The following ARHGAP21 variants were observed in gnomAD, a reference collection of about 807,000 sequenced individuals.
ARHGAP21 encodes the protein rho GTPase-activating protein 21.
ARHGAP21 carries 38 observed loss-of-function variants against 164.6 expected under a neutral mutation model. The ratio of observed to expected loss-of-function variants is 0.23; its 90% CI spans 0.18 to 0.30. The LOEUF (loss-of-function observed/expected upper bound fraction) is 0.30. Among genes scored for constraint, ARHGAP21 ranks in the 10% least tolerant of loss-of-function variants. The probability of loss-of-function intolerance (pLI) is 1.00; values close to 1 mark genes in which losing one functional copy is unlikely to be tolerated. For missense variants in ARHGAP21, 1,822 were observed against 2,370.7 expected, an observed-to-expected ratio of 0.77 and a Z score of 4.81; for synonymous variants, 766 against 857.9, an observed-to-expected ratio of 0.89 and a Z score of 1.87.
At chr10:24,648,532 C>T (rs142036499) in intron 4 of ARHGAP21, among the ~76,000 whole-genome samples, 1 of 152,158 alleles carries the variant, frequency 6.6e-6, no homozygotes, top group African/African-American at 2.4e-5. Flanking sequence ...ATAATCCCAG[C>T]ACTTTGGGAG....
Position 24,619,760 on chromosome 10 carries a change from C to A in ARHGAP21, c.2135G>T (p.Arg712Met), listed in dbSNP as rs1834358824. ...TSDLELPVSQ[R>M]NQDLSLQEAE... ...CTCTTGTAAACTTAAATCTTGATTC[C>A]TTTGACTGACAGGTAGTTCTAAATC... The change falls in exon 9 of 26, where the codon AGG becomes ATG. Residue 712 changes from arginine (R) to methionine (M), a missense_variant. This residue lies in a region of ARHGAP21 where 1,090 missense variants were observed against 1,378.9 expected (regional missense o/e 0.79). Transcript: ENST00000396432. 1.2e-6 allele frequency: 2 copies of A among 1,614,082 alleles called. No individual in the cohort carries two copies. The highest frequency in any genetic ancestry group is 1.7e-6 in the Non-Finnish European group (2 of 1,180,032).
intron 2 of ARHGAP21, among the ~76,000 whole-genome samples, chr10:24,717,471 A>C (rs1161795578): frequency 1.3e-5 from 2 of 152,152 alleles, no homozygotes; most frequent in Admixed American, 1.3e-4. Context: ...CACTAGGGGC[A>C]ACTGAAAGAG....
rs750284071 is a variant in ARHGAP21 at position 24,595,810 on chromosome 10, T to G, written c.3634-15A>C. ...TCTCGCCATTTCTAGGTGTACAAAA[T>G]AGAAATATAGTATTTTCATATCCAG... On this transcript the variant is annotated splice_polypyrimidine_tract_variant and intron_variant, in intron 18 of 25. Transcript: ENST00000396432. 4.3e-6 allele frequency: 7 copies of G among 1,612,042 alleles called. No individual in the cohort carries two copies. Among genetic ancestry groups the G allele is most frequent in the Admixed American group, 1.7e-5 (1 of 59,740 alleles).
rs1273008353 is a variant in ARHGAP21, at chr10:24,723,687, CGCCGCCGCCGCCGCGCTCCGAG to C, written c.-528_-507del. The C allele has an allele frequency of 1.3e-5, 2 of 149,128 alleles. No individual in the cohort carries two copies. Among genetic ancestry groups the C allele is most frequent in the South Asian group, 3.6e-4 (2 of 5,598 alleles). 9.2% of individuals were successfully genotyped at this position (149,128 alleles called of 1,614,324 possible). A position where few individuals can be genotyped will look rare whatever the true frequency, so the allele number is the denominator to read the frequency against. On this transcript the variant is annotated 5_prime_UTR_variant, in exon 1 of 26. Coordinates refer to ENST00000396432, the MANE Select transcript of ARHGAP21 (RefSeq NM_020824.4). The stretch of plus-strand genomic sequence containing the variant: ...ATCCCGCGCTGCCCGCCGCCGCCGC[CGCCGCCGCCGCCGCGCTCCGAG>C]GCCGCCGCCCCCGGCCGGCCGCTCC...
At chr10:24,695,778 C>T (rs1843123551) in intron 2 of ARHGAP21, among the ~76,000 whole-genome samples, 1 of 152,022 alleles carries the variant, frequency 6.6e-6, no homozygotes, top group African/African-American at 2.4e-5. Flanking sequence ...CAACAGCCCC[C>T]TTAAGAACTG....
chr10:24,641,334 T>C (rs2131430853), intron 4 of ARHGAP21, among the ~76,000 whole-genome samples: 1 of 152,334 alleles, frequency 6.6e-6, no homozygotes, highest in East Asian at 1.9e-4. Context: ...CTAAGAAAGA[T>C]GTGCCAACTT....
intron 13 of ARHGAP21, 24 bp from the exon 14 acceptor site, chr10:24,600,954 T>C (rs1377968214): frequency 6.3e-7 from 1 of 1,599,348 alleles, no homozygotes; most frequent in Admixed American, 1.7e-5. Flanking sequence ...GACAGTTCTT[T>C]AATAGTCAAT....
In ARHGAP21 at chr10:24,655,108, CA is replaced by C. The variant is rs548988316; in HGVS notation, c.268+11876del. Among the ~76,000 whole-genome samples, 184 of 152,302 alleles carry C rather than the reference CA, an allele frequency of 1.2e-3. 3 individuals are homozygous for C. The South Asian group carries it at 0.038, about 31-fold the overall frequency. ...CTGGATCCCTTCCTTACACCTTATA[CA>C]AAAATTAATTCAACATGGATTAAAG... is the stretch of plus-strand genomic sequence containing the variant. On this transcript the variant is annotated intron_variant, in intron 4 of 25. Transcript: ENST00000396432.
chr10:24,628,313 A>C (rs1010217346), intron 7 of ARHGAP21, among the ~76,000 whole-genome samples: 2 of 152,256 alleles, frequency 1.3e-5, no homozygotes, highest in African/African-American at 4.8e-5. Context: ...GTACTAAGCC[A>C]TTCCTAAGTA....
At chr10:24,653,371 G>A (rs1346976011) in intron 4 of ARHGAP21, among the ~76,000 whole-genome samples, 2 of 152,022 alleles carry the variant, frequency 1.3e-5, no homozygotes, top group African/African-American at 2.4e-5. Flanking sequence ...TCAGGAAATC[G>A]AGACCATCCT....
At chr10:24,654,832 A>G (rs1254670115) in intron 4 of ARHGAP21, among the ~76,000 whole-genome samples, 2 of 152,190 alleles carry the variant, frequency 1.3e-5, no homozygotes, top group African/African-American at 4.8e-5. Context: ...AGCCAAAAGA[A>G]CAAGGCTGGA....
chr10:24,618,059 A>G (rs951338005), intron 9 of ARHGAP21, among the ~76,000 whole-genome samples: 1 of 152,100 alleles, frequency 6.6e-6, no homozygotes, highest in African/African-American at 2.4e-5. Flanking sequence ...ATCACTTACT[A>G]TGCGATTTTA....
intron 9 of ARHGAP21, among the ~76,000 whole-genome samples, chr10:24,614,933 T>C (rs1371170004): frequency 1.3e-5 from 2 of 152,092 alleles, no homozygotes; most frequent in Admixed American, 1.3e-4. Flanking sequence ...ATACCTGTAA[T>C]CCCAGCACTT....
chr10:24,618,701 C>T (rs118085085), intron 9 of ARHGAP21, among the ~76,000 whole-genome samples: 6 of 152,076 alleles, frequency 3.9e-5, no homozygotes, highest in South Asian at 2.1e-4. Context: ...TAGGAGATCA[C>T]GAAGTAGGAT....
intron 4 of ARHGAP21, among the ~76,000 whole-genome samples, chr10:24,655,736 T>TCC (rs1838759945): frequency 7.5e-6 from 1 of 134,206 alleles, no homozygotes; most frequent in Non-Finnish European, 1.6e-5. Context: ...GAGGAGCGTC[T>TCC]CCGCCCGGCC....
rs867408310 is a variant in ARHGAP21, at chr10:24,597,654, G to C, written c.3198-71C>G. 166 of 1,572,376 alleles carry C rather than the reference G, an allele frequency of 1.1e-4. No individual in the cohort carries two copies. The African/African-American group carries it at 1.9e-3, about 18-fold the overall frequency. On this transcript the variant is annotated intron_variant, in intron 15 of 25. Coordinates refer to ENST00000396432, the MANE Select transcript of ARHGAP21 (RefSeq NM_020824.4). ...CTATCTATGGTTTCAGTTACCCGTG[G>C]TGAGCCATGGTCTGAAAATATTAAC... is the stretch of plus-strand genomic sequence containing the variant.
chr10:24,722,282 AG>A lies in ARHGAP21; in HGVS notation c.-380-4del, dbSNP rs1467941553. 8.9e-6 allele frequency: 2 copies of A among 225,090 alleles called. No homozygotes were observed. The highest frequency in any genetic ancestry group is 7.7e-5 in the South Asian group (1 of 12,942). 13.9% of individuals were successfully genotyped at this position (225,090 alleles called of 1,614,324 possible). On this transcript the variant is annotated splice_polypyrimidine_tract_variant and splice_region_variant and intron_variant, in intron 1 of 25. Transcript: ENST00000396432. Reference sequence around the variant, plus strand: ...GAGTGTCAGCTCCTAGAGAGATCCTAGGAAAACGAGAAGTTAAAGGTCATGA... The same window carrying A: ...GAGTGTCAGCTCCTAGAGAGATCCTAGAAAACGAGAAGTTAAAGGTCATGA...
At chr10:24,622,819 A>G in intron 7 of ARHGAP21, 57 bp from the exon 8 acceptor site, 1 of 1,539,278 alleles carries the variant, frequency 6.5e-7, no homozygotes. Flanking sequence ...AGACAAAATC[A>G]TGTTGTCATA....
In ARHGAP21 at chr10:24,583,869, C is replaced by T. The variant is rs1592893270; in HGVS notation, c.*543G>A. Reference sequence around the variant, plus strand: ...GATTAAAAATTCAAGTCACACAAAACTCAAAAACTGTATTAAAAGTTTGAA... The same window carrying T: ...GATTAAAAATTCAAGTCACACAAAATTCAAAAACTGTATTAAAAGTTTGAA... On this transcript the variant is annotated 3_prime_UTR_variant, in exon 26 of 26. Coordinates refer to ENST00000396432, the MANE Select transcript of ARHGAP21 (RefSeq NM_020824.4). 1 of 152,552 alleles carries T rather than the reference C, an allele frequency of 6.6e-6. No homozygotes were observed. Among genetic ancestry groups the T allele is most frequent in the African/African-American group, 2.4e-5 (1 of 41,432 alleles). 9.4% of individuals were successfully genotyped at this position (152,552 alleles called of 1,614,324 possible). A position where few individuals can be genotyped will look rare whatever the true frequency, so the allele number is the denominator to read the frequency against.
Sources: gnomAD v4.1 joint callset for allele counts (sites outside exome capture counted in the v4.1 genomes callset) on GRCh38, gnomAD v4.1.1 for gene constraint, gnomAD v4.1.1 regional missense constraint, MANE v1.5 for transcripts, NCBI Gene and HGNC (gene_info 2026-07-23, HGNC 2026-07-21) for gene names.